ATXN10: variants seen among roughly 807,000 people sequenced by gnomAD.
The protein encoded by ATXN10 is ataxin-10.
A neutral mutation model predicts 52.9 loss-of-function variants in ATXN10; 28 were observed. That is an observed-to-expected ratio of 0.53 (90% CI 0.39 to 0.73). ATXN10 has a LOEUF of 0.73. ATXN10 is among the 30% of genes least tolerant of loss of function. The pLI is 0.00. For synonymous variants in ATXN10, 226 were observed against 221.5 expected, an observed-to-expected ratio of 1.02 and a Z score of -0.18; for missense variants, 565 against 577.0, an observed-to-expected ratio of 0.98 and a Z score of 0.21.
In ATXN10 at chr22:45,824,392, A is replaced by G. The variant is rs1020898893; in HGVS notation, c.1237+17370A>G. Among the ~76,000 whole-genome samples, 8 of 152,124 alleles carry G rather than the reference A, an allele frequency of 5.3e-5. No homozygotes were observed. Among genetic ancestry groups the G allele is most frequent in the African/African-American group, 1.7e-4 (7 of 41,424 alleles). ...ACCTTATCCTGTAATTTAACATTGT[A>G]GCTTTTATAGTACTTTGTAATTATG... On this transcript the variant is annotated intron_variant, in intron 10 of 11. Coordinates refer to ENST00000252934, the MANE Select transcript of ATXN10 (RefSeq NM_013236.4). The surrounding 1 kb of genome is among the most constrained non-coding windows in gnomAD (Gnocchi z 5.2).
At chr22:45,747,278 G>A (rs1400763373) in intron 9 of ATXN10, among the ~76,000 whole-genome samples, 1 of 152,162 alleles carries the variant, frequency 6.6e-6, no homozygotes, top group East Asian at 1.9e-4. Flanking sequence ...GGCTGAGGCG[G>A]GAGATTGTTT....
chr22:45,811,092 T>C (rs978619164), intron 10 of ATXN10, among the ~76,000 whole-genome samples: 2 of 152,224 alleles, frequency 1.3e-5, no homozygotes, highest in African/African-American at 4.8e-5. Flanking sequence ...CTTTGATTTA[T>C]CAGAGAGGTA....
rs748731082 is a variant in ATXN10 at position 45,729,428 on chromosome 22, T to C, written c.732T>C (p.Val244=). ...AGAAATCCTTTATGTTTTACAGAGTTACACTGTTAGACCTTATGATAGCCA... is the reference window on the plus strand; with the variant it reads ...AGAAATCCTTTATGTTTTACAGAGTCACACTGTTAGACCTTATGATAGCCA... ...MFPKLNNQER[V]TLLDLMIAKI... is the part of the protein sequence containing the mutation. The change falls in exon 7 of 12, where the codon GTT becomes GTC. Residue 244 remains valine (V), a synonymous_variant. Transcript: ENST00000252934. 2.5e-6 allele frequency: 4 copies of C among 1,613,990 alleles called. No homozygotes were observed. In the African/African-American group the frequency reaches 5.3e-5, roughly 22 times the overall value.
At chr22:45,736,948 T>C (rs892252466) in intron 7 of ATXN10, among the ~76,000 whole-genome samples, 22 of 152,202 alleles carry the variant, frequency 1.4e-4, no homozygotes, top group African/African-American at 5.1e-4. Flanking sequence ...AAAGAGAAAC[T>C]TTCCCTAACC....
rs1488102724 is a variant in ATXN10, at chr22:45,786,894, T to C, written c.1174-20065T>C. On this transcript the variant is annotated intron_variant, in intron 9 of 11. Transcript: ENST00000252934. The surrounding 1 kb of genome is among the most constrained non-coding windows in gnomAD (Gnocchi z 4.1). ...ACTCAAAGATGGTTTTGTTTTGTTT[T>C]TGTCCAGTAATTCTTTTCGGAATTT... is the stretch of plus-strand genomic sequence containing the variant. Among the ~76,000 whole-genome samples, 2 of 152,218 alleles carry C rather than the reference T, an allele frequency of 1.3e-5. No individual in the cohort carries two copies. Among genetic ancestry groups the C allele is most frequent in the Non-Finnish European group, 2.9e-5 (2 of 68,032 alleles).
At chr22:45,817,318 CTTTT>C (rs11326332) in intron 10 of ATXN10, among the ~76,000 whole-genome samples, 5 of 98,662 alleles carry the variant, frequency 5.1e-5, no homozygotes, top group East Asian at 2.9e-4. Flanking sequence ...ATTGATTTAA[CTTTT>C]TTTTTTTTTT....
At chr22:45,777,801 G>A (rs934826913) in intron 9 of ATXN10, among the ~76,000 whole-genome samples, 1 of 152,228 alleles carries the variant, frequency 6.6e-6, no homozygotes, top group South Asian at 2.1e-4. Context: ...ATTTCAAGAT[G>A]CAAATGAGAA....
At chr22:45,811,855 C>T in intron 10 of ATXN10, 1 of 456,060 alleles carries the variant, frequency 2.2e-6, no homozygotes. Flanking sequence ...CTGGATCATT[C>T]CTCTCTGATT....
Position 45,818,632 on chromosome 22 carries a change from A to T in ATXN10, c.1237+11610A>T, listed in dbSNP as rs907649403. Among the ~76,000 whole-genome samples, 1 of 151,990 alleles carries T rather than the reference A, an allele frequency of 6.6e-6. No homozygotes were observed. The highest frequency in any genetic ancestry group is 1.5e-5 in the Non-Finnish European group (1 of 67,994). ...CAGGGATCAACAGCCTGGGGCAGGG[A>T]TCAGGGATCAGGGGGCAGGGATCAT... is the stretch of plus-strand genomic sequence containing the variant. On this transcript the variant is annotated intron_variant, in intron 10 of 11. Coordinates refer to ENST00000252934, the MANE Select transcript of ATXN10 (RefSeq NM_013236.4). This position sits in a 1 kb window ranked among gnomAD's most constrained non-coding sequence, Gnocchi z 4.6.
chr22:45,671,942 G>A lies in ATXN10; in HGVS notation c.-122G>A. On this transcript the variant is annotated 5_prime_UTR_variant, in exon 1 of 12. In the 5' UTR this introduces an upstream ATG that the reference lacks. Transcript: ENST00000252934. ...TGCAGCGGCGGCGGCGGTTAGGGCT[G>A]TGTAGGGCGAGGCCTCCCCCTTCCT... The A allele has an allele frequency of 1.7e-6, 2 of 1,157,374 alleles. No homozygotes were observed. Among genetic ancestry groups the A allele is most frequent in the South Asian group, 1.4e-5 (1 of 71,006 alleles). 71.7% of individuals were successfully genotyped at this position (1,157,374 alleles called of 1,614,324 possible). A position where few individuals can be genotyped will look rare whatever the true frequency, so the allele number is the denominator to read the frequency against.
chr22:45,672,075 C>G lies in ATXN10; in HGVS notation c.12C>G (p.Pro4=). 2 of 1,537,792 alleles carry G rather than the reference C, an allele frequency of 1.3e-6. No homozygotes were observed. The highest frequency in any genetic ancestry group is 1.7e-6 in the Non-Finnish European group (2 of 1,145,396). Residue 4 remains proline (P), a synonymous_variant, in exon 1 of 12, where the codon CCC becomes CCG. Transcript: ENST00000252934. ...CTGTGAGCGGCAAGATGGCGGCGCC[C>G]AGGCCGCCGCCTGCCAGGCTGTCGG... The part of the protein sequence containing the change: MAA[P]RPPPARLSGV...
chr22:45,779,783 G>T (rs1927082049), intron 9 of ATXN10, among the ~76,000 whole-genome samples: 1 of 152,166 alleles, frequency 6.6e-6, no homozygotes, highest in Non-Finnish European at 1.5e-5. Flanking sequence ...ATCTAGCAGA[G>T]ATGAAATAGA....
chr22:45,708,797 G>A lies in ATXN10; in HGVS notation c.647+5950G>A, dbSNP rs570626728. Among the ~76,000 whole-genome samples, 1 of 152,152 alleles carries A rather than the reference G, an allele frequency of 6.6e-6. No homozygotes were observed. Among genetic ancestry groups the A allele is most frequent in the Admixed American group, 6.5e-5 (1 of 15,286 alleles). ...CAGGACTACAGGCGTGCGCCACCAC[G>A]CCTGGCTAATTTTTTGTATTTTTGG... On this transcript the variant is annotated intron_variant, in intron 5 of 11. Coordinates refer to ENST00000252934, the MANE Select transcript of ATXN10 (RefSeq NM_013236.4). The surrounding 1 kb of genome is among the most constrained non-coding windows in gnomAD (Gnocchi z 5.3).
intron 9 of ATXN10, among the ~76,000 whole-genome samples, chr22:45,803,582 C>T (rs1927999391): frequency 6.6e-6 from 1 of 152,152 alleles, no homozygotes; most frequent in African/African-American, 2.4e-5. Flanking sequence ...TGAGGACGAG[C>T]TGGATTCTTT....
At chr22:45,738,941 G>C in intron 8 of ATXN10, 102 bp downstream of exon 8, 2 of 1,108,906 alleles carry the variant, frequency 1.8e-6, no homozygotes, top group South Asian at 1.3e-5. Flanking sequence ...AGTGTACTTT[G>C]GGAATTTTGT....
intron 9 of ATXN10, among the ~76,000 whole-genome samples, chr22:45,798,162 T>G (rs772232535): frequency 6.6e-6 from 1 of 152,242 alleles, no homozygotes; most frequent in Non-Finnish European, 1.5e-5. Context: ...ACTTCTCAAC[T>G]TATTTTATGA....
At chr22:45,687,743 T>C (rs904583952) in intron 1 of ATXN10, among the ~76,000 whole-genome samples, 1 of 152,206 alleles carries the variant, frequency 6.6e-6, no homozygotes, top group Non-Finnish European at 1.5e-5. Context: ...ATATATTTGG[T>C]ACTCCTTAAA....
At chr22:45,706,856 A>G (rs1436134556) in intron 5 of ATXN10, among the ~76,000 whole-genome samples, 1 of 151,880 alleles carries the variant, frequency 6.6e-6, no homozygotes, top group Non-Finnish European at 1.5e-5. Context: ...TTTTGGTGGC[A>G]TGTTCTGTAG....
intron 9 of ATXN10, among the ~76,000 whole-genome samples, chr22:45,761,869 G>C (rs758571861): frequency 6.6e-6 from 1 of 152,174 alleles, no homozygotes; most frequent in African/African-American, 2.4e-5. Flanking sequence ...TTTCAGTGCA[G>C]TTGGGCTGAA....
Sources: gnomAD v4.1 joint callset for allele counts (sites outside exome capture counted in the v4.1 genomes callset) on GRCh38, gnomAD v4.1.1 for gene constraint, Gnocchi (gnomAD v3.1) non-coding constraint, MANE v1.5 for transcripts, NCBI Gene and HGNC (gene_info 2026-07-23, HGNC 2026-07-21) for gene names.